Variants in TNS2 observed in about 807,000 individuals in gnomAD.
The protein encoded by TNS2 is tensin 2.
A neutral mutation model predicts 155.7 loss-of-function variants in TNS2; 77 were observed. The observed-to-expected ratio is 0.49, with a 90% CI of 0.41 to 0.60. The LOEUF (loss-of-function observed/expected upper bound fraction) is 0.60, where lower values mean the gene tolerates loss of function less well. Among genes scored for constraint, TNS2 ranks in the 20% least tolerant of loss-of-function variants. The pLI is 0.00. For synonymous variants in TNS2, 726 were observed against 763.9 expected (o/e 0.95, Z 0.82); for missense variants, 1,703 against 1,868.8 (o/e 0.91, Z 1.64).
At position 53,062,190 on chromosome 12, in the gene TNS2, C is replaced by T. The variant is rs199647801; in HGVS notation, c.3612C>T (p.Ile1204=). 3.7e-6 allele frequency: 6 copies of T among 1,614,118 alleles called. No individual in the cohort carries two copies. The highest frequency in any genetic ancestry group is 3.3e-5 in the South Asian group (3 of 91,086). ...PVEQLVRHFL[I]ETGPKGVKIK... ...AACAGCTGGTCCGCCATTTCCTCAT[C>T]GAGACTGGGCCCAAAGGGGTGAAGA... The change falls in exon 23 of 29, where the codon ATC becomes ATT. Residue 1204 remains isoleucine, a synonymous_variant. Coordinates refer to ENST00000314250, the MANE Select transcript of TNS2 (RefSeq NM_170754.4).
chr12:53,061,577 T>C, intron 21 of TNS2, 108 bp downstream of exon 21: 1 of 1,379,208 alleles, frequency 7.3e-7, no homozygotes, highest in Non-Finnish European at 1.0e-6. Flanking sequence ...GTCTGAGCTG[T>C]GTTTACTCTT....
chr12:53,057,972 G>A, intron 13 of TNS2, 55 bp from the exon 14 acceptor site: 1 of 1,610,382 alleles, frequency 6.2e-7, no homozygotes, highest in Non-Finnish European at 8.5e-7. Context: ...CTGCATAGCT[G>A]CCTCTGCACG....
rs1373949625 is a variant in TNS2 at position 53,055,849 on chromosome 12, A to C, written c.761+4A>C. The C allele has an allele frequency of 1.2e-6, 2 of 1,608,966 alleles. No individual in the cohort carries two copies. Among genetic ancestry groups the C allele is most frequent in the Non-Finnish European group, 1.7e-6 (2 of 1,176,852 alleles). ...ACTACAGCAAGATCTCTGCAGGGTG[A>C]GGCTCCCAGCGCCTGAGTAGCTGCT... On this transcript the variant is annotated splice_donor_region_variant and intron_variant, in intron 10 of 28. Transcript: ENST00000314250.
chr12:53,053,829 G>A lies in TNS2; in HGVS notation c.300+17G>A, dbSNP rs1419643100. 1 of 1,613,430 alleles carries A rather than the reference G, an allele frequency of 6.2e-7. No individual in the cohort carries two copies. The highest frequency in any genetic ancestry group is 8.5e-7 in the Non-Finnish European group (1 of 1,179,754). On this transcript the variant is annotated intron_variant, in intron 5 of 28. Coordinates refer to ENST00000314250, the MANE Select transcript of TNS2 (RefSeq NM_170754.4). ...GAGCACCTGGTAAGGTGATGCTGGAGCAGGAGGGGGAAGCAGGTAGCTTTG... is the reference window on the plus strand; with the variant it reads ...GAGCACCTGGTAAGGTGATGCTGGAACAGGAGGGGGAAGCAGGTAGCTTTG...
At chr12:53,051,123 G>A (rs1943915695) in intron 1 of TNS2, among the ~76,000 whole-genome samples, 1 of 152,160 alleles carries the variant, frequency 6.6e-6, no homozygotes, top group African/African-American at 2.4e-5. Flanking sequence ...GGCTGAACAG[G>A]GAATCTGGTC....
Position 53,054,457 on chromosome 12 carries a change from A to C in TNS2, c.522+16A>C, listed in dbSNP as rs767678911. ...CAAGTACCTGGTGAGGGGCGGGGCC[A>C]TCAGGAGTCCGCCAATGAGAGGGAT... On this transcript the variant is annotated intron_variant, in intron 7 of 28. Transcript: ENST00000314250. The C allele has an allele frequency of 1.9e-6, 3 of 1,583,982 alleles. No homozygotes were observed. The African/African-American group carries it at 4.1e-5, about 22-fold the overall frequency.
rs1944322885 is a variant in TNS2 at position 53,060,034 on chromosome 12, A to G, written c.2393A>G (p.Tyr798Cys). ...AGCTATGGAGGAGCAGTTCCCAGTT[A>G]CTGCCCAGCATATGGCCGTGTGCCT... Reference protein sequence around the residue: ...TYSYGGAVPSYCPAYGRVPHS... With the variant: ...TYSYGGAVPSCCPAYGRVPHS... The change falls in exon 18 of 29, where the codon TAC becomes TGC. Residue 798 changes from tyrosine (Y) to cysteine (C), a missense_variant. Coordinates refer to ENST00000314250, the MANE Select transcript of TNS2 (RefSeq NM_170754.4). This position sits in a 1 kb window ranked among gnomAD's most constrained non-coding sequence, Gnocchi z 6.1. 8 of 1,613,482 alleles carry G rather than the reference A, an allele frequency of 5.0e-6. No homozygotes were observed. The highest frequency in any genetic ancestry group is 4.2e-6 in the Non-Finnish European group (5 of 1,179,942).
chr12:53,049,021 A>C, upstream of TNS2: 1 of 655,634 alleles, frequency 1.5e-6, no homozygotes, highest in Non-Finnish European at 2.5e-6. Flanking sequence ...GAAGACTCCC[A>C]GGCCATTAAC....
At chr12:53,047,701 G>T (rs1349450223), upstream of TNS2, among the ~76,000 whole-genome samples, 3 of 152,054 alleles carry the variant, frequency 2.0e-5, no homozygotes, top group Non-Finnish European at 2.9e-5. Context: ...AGCGGCGCTC[G>T]GGCCCCGGCC....
chr12:53,052,633 G>A (rs547094397), intron 3 of TNS2, 141 bp downstream of exon 3: 4 of 1,175,986 alleles, frequency 3.4e-6, no homozygotes, highest in Admixed American at 1.9e-5. Context: ...GGTGGGAGGG[G>A]TGCTGTACTG....
chr12:53,057,669 A>G lies in TNS2; in HGVS notation c.948A>G (p.Glu316=). ...YVLIPMLPAF[E]PGTGFQPFLK... ...TCATCCCCATGCTGCCAGCCTTTGAACCTGGCACAGGTGAGTCTGCCTGAG... is the reference window on the plus strand; with the variant it reads ...TCATCCCCATGCTGCCAGCCTTTGAGCCTGGCACAGGTGAGTCTGCCTGAG... The change falls in exon 12 of 29, where the codon GAA becomes GAG. Residue 316 remains glutamate (E), a synonymous_variant. Transcript: ENST00000314250. 1 of 1,614,064 alleles carries G rather than the reference A, an allele frequency of 6.2e-7. No homozygotes were observed.
In TNS2 at chr12:53,058,712, A is replaced by G; in HGVS notation, c.1292-2A>G. 1 of 1,613,948 alleles carries G rather than the reference A, an allele frequency of 6.2e-7. No individual in the cohort carries two copies. Among genetic ancestry groups the G allele is most frequent in the South Asian group, 1.1e-5 (1 of 91,088 alleles). ...CCCCAATACCCGAGTGGCCTTCCAC[A>G]GGCAGCACTCCACGGAACGACCCCT... On this transcript the variant is annotated splice_acceptor_variant, in intron 16 of 28. Transcript: ENST00000314250. LOFTEE classifies it high-confidence loss of function.
rs1357199205 is a variant in TNS2 at position 53,055,804 on chromosome 12, C to T, written c.720C>T (p.Val240=). The change falls in exon 10 of 29, where the codon GTC becomes GTT. Residue 240 remains valine (V), a synonymous_variant. Coordinates refer to ENST00000314250, the MANE Select transcript of TNS2 (RefSeq NM_170754.4). ...YCKGNKGKLG[V]IVSAYMHYSK... The stretch of plus-strand genomic sequence containing the variant: ...AGGGAAACAAGGGCAAGCTTGGGGT[C>T]ATCGTTTCTGCCTACATGCACTACA... 9 of 1,614,028 alleles carry T rather than the reference C, an allele frequency of 5.6e-6. No homozygotes were observed. Among genetic ancestry groups the T allele is most frequent in the South Asian group, 1.1e-5 (1 of 91,072 alleles).
chr12:53,064,243 G>A lies in TNS2; in HGVS notation c.*361G>A. 4.0e-6 allele frequency: 1 copy of A among 246,988 alleles called. No individual in the cohort carries two copies. The highest frequency in any genetic ancestry group is 7.8e-6 in the Non-Finnish European group (1 of 127,814). The allele number at this position is 246,988 out of a possible 1,614,324, so 15.3% of individuals were successfully genotyped here. A position where few individuals can be genotyped will look rare whatever the true frequency, so the allele number is the denominator to read the frequency against. On this transcript the variant is annotated 3_prime_UTR_variant, in exon 29 of 29. Transcript: ENST00000314250. ...CCACCCAGCTGCAGGTGCCAGCACG[G>A]CAGGGATGGGAGAGGGGTGGGGAGC...
Position 53,063,845 on chromosome 12 carries a change from CCTT to C in TNS2, c.4195_4197del (p.Phe1399del). On this transcript the variant is annotated inframe_deletion, in exon 29 of 29. Coordinates refer to ENST00000314250, the MANE Select transcript of TNS2 (RefSeq NM_170754.4). This position sits in a 1 kb window ranked among gnomAD's most constrained non-coding sequence, Gnocchi z 5.6. ...GATCAGCCTGCTGGCGCCATTGTCA[CCTT>C]CATCACCAAAGTTCTACTGGGCCAG... 6.2e-7 allele frequency: 1 copy of C among 1,614,130 alleles called. No homozygotes were observed. Among genetic ancestry groups the C allele is most frequent in the Non-Finnish European group, 8.5e-7 (1 of 1,180,026 alleles).
chr12:53,062,980 C>T (rs1944431052), intron 25 of TNS2, 109 bp from the exon 26 acceptor site: 1 of 1,391,650 alleles, frequency 7.2e-7, no homozygotes, highest in African/African-American at 1.4e-5. Context: ...AACAAGTCAC[C>T]TATGTGATTG....
Position 53,060,418 on chromosome 12 carries a change from G to C in TNS2, c.2631G>C (p.Pro877=). ...CCTTCACTGCAGAGTCGCTGGAGCCGGTGTCCTGGAGGGAGGGCCCCAGTG... is the reference window on the plus strand; with the variant it reads ...CCTTCACTGCAGAGTCGCTGGAGCCCGTGTCCTGGAGGGAGGGCCCCAGTG... The part of the protein sequence containing the change: ...GPLASAESLE[P]VSWREGPSGH... Residue 877 remains proline (P), a synonymous_variant, in exon 19 of 29, where the codon CCG becomes CCC. Coordinates refer to ENST00000314250, the MANE Select transcript of TNS2 (RefSeq NM_170754.4). The surrounding 1 kb of genome is among the most constrained non-coding windows in gnomAD (Gnocchi z 6.1). 1.9e-6 allele frequency: 3 copies of C among 1,612,794 alleles called. No individual in the cohort carries two copies. The highest frequency in any genetic ancestry group is 1.7e-6 in the Non-Finnish European group (2 of 1,179,582).
intron 14 of TNS2, 43 bp from the exon 15 acceptor site, chr12:53,058,273 G>A: frequency 6.2e-7 from 1 of 1,609,842 alleles, no homozygotes; most frequent in East Asian, 2.2e-5. Flanking sequence ...AAGCGCAGAA[G>A]AGGACATGAG....
rs375447939 is a variant in TNS2 at position 53,057,717 on chromosome 12, C to A, written c.958+38C>A. On this transcript the variant is annotated intron_variant, in intron 12 of 28. Coordinates refer to ENST00000314250, the MANE Select transcript of TNS2 (RefSeq NM_170754.4). ...GAGATGTGCTCCCTAGGGAGAACCA[C>A]CTTCAGGCCCTCTCCACTCAGCACC... 6.9e-5 allele frequency: 112 copies of A among 1,613,866 alleles called. No homozygotes were observed. In the African/African-American group the frequency reaches 1.4e-3, roughly 20 times the overall value.
Sources: gnomAD v4.1 joint callset for allele counts (sites outside exome capture counted in the v4.1 genomes callset) on GRCh38, gnomAD v4.1.1 for gene constraint, Gnocchi (gnomAD v3.1) non-coding constraint, MANE v1.5 for transcripts, NCBI Gene and HGNC (gene_info 2026-07-23, HGNC 2026-07-21) for gene names.